The following CLSTN2 variants were observed in gnomAD, a reference collection of about 807,000 sequenced individuals.
The protein encoded by CLSTN2 is calsyntenin 2.
In CLSTN2, 48 loss-of-function variants were observed where a neutral mutation model predicts 101.2. That is an observed-to-expected ratio of 0.47 (90% CI 0.38 to 0.60). CLSTN2 has a LOEUF of 0.60. Among genes scored for constraint, CLSTN2 ranks in the 20% least tolerant of loss-of-function variants. The pLI is 0.00. For synonymous variants in CLSTN2, 481 were observed against 463.6 expected (o/e 1.04, Z -0.48); for missense variants, 1,160 against 1,238.2 (o/e 0.94, Z 0.95).
chr3:140,010,454 G>A lies in CLSTN2; in HGVS notation c.109+74971G>A, dbSNP rs2007049632. 3.3e-5 allele frequency among the ~76,000 whole-genome samples: 5 copies of A among 152,156 alleles called. No individual in the cohort carries two copies. The South Asian group carries it at 8.3e-4, about 25-fold the overall frequency. ...GCTGGCCTGCCTTGTTGTCTGGCAG[G>A]CGCTCCTCTCTGATCAGAGGAATGG... On this transcript the variant is annotated intron_variant, in intron 1 of 16. Coordinates refer to ENST00000458420, the MANE Select transcript of CLSTN2 (RefSeq NM_022131.3).
chr3:140,528,941 C>G (rs761683953), intron 8 of CLSTN2, among the ~76,000 whole-genome samples: 1 of 152,222 alleles, frequency 6.6e-6, no homozygotes, highest in Non-Finnish European at 1.5e-5. Flanking sequence ...TCTCTTGCAG[C>G]ACCTAGTAGA....
At position 140,330,442 on chromosome 3, in the gene CLSTN2, AT is replaced by A. The variant is rs555297922; in HGVS notation, c.233-73183del. ...TTTTAAAGGTATAATTTTGATATGC[AT>A]TTTATGTGTTTATTCAAAGGATCTC... On this transcript the variant is annotated intron_variant, in intron 2 of 16. Transcript: ENST00000458420. Among the ~76,000 whole-genome samples, 12 of 152,278 alleles carry A rather than the reference AT, an allele frequency of 7.9e-5. No homozygotes were observed. The East Asian group carries it at 2.3e-3, about 29-fold the overall frequency.
At chr3:140,277,269 T>A (rs1014651105) in intron 2 of CLSTN2, among the ~76,000 whole-genome samples, 2 of 152,210 alleles carry the variant, frequency 1.3e-5, no homozygotes, top group African/African-American at 4.8e-5. Flanking sequence ...GATGATGAGA[T>A]AAATTGCAGG....
In CLSTN2 at chr3:139,935,417, C is replaced by A. The variant is rs1026582954; in HGVS notation, c.43C>A (p.Leu15Met). The change falls in exon 1 of 17, where the codon CTG becomes ATG. Residue 15 changes from leucine (L) to methionine (M), a missense_variant. Physicochemically the swap from Leu to Met is conservative, Grantham distance 15. Transcript: ENST00000458420. This position sits in a 1 kb window ranked among gnomAD's most constrained non-coding sequence, Gnocchi z 5.5. The stretch of plus-strand genomic sequence containing the variant: ...GTGCTGGGTGCCGCTCCTGCTGGCG[C>A]TGGGCGTGGGGAGCGGCAGCGGCGG... ...RLCWVPLLLALGVGSGSGGGG... is the reference protein window; with the variant it reads ...RLCWVPLLLAMGVGSGSGGGG... The A allele has an allele frequency of 3.2e-6, 4 of 1,230,840 alleles. No individual in the cohort carries two copies. In the African/African-American group the frequency reaches 4.7e-5, roughly 14 times the overall value. 76.2% of individuals were successfully genotyped at this position (1,230,840 alleles called of 1,614,324 possible). A position where few individuals can be genotyped will look rare whatever the true frequency, so the allele number is the denominator to read the frequency against.
At chr3:140,114,574 G>A (rs2009209509) in intron 1 of CLSTN2, among the ~76,000 whole-genome samples, 1 of 152,120 alleles carries the variant, frequency 6.6e-6, no homozygotes. Flanking sequence ...AGCTCTTATT[G>A]TAAGATCCAG....
intron 9 of CLSTN2, among the ~76,000 whole-genome samples, chr3:140,541,476 A>G (rs2107784345): frequency 6.6e-6 from 1 of 152,298 alleles, no homozygotes; most frequent in Middle Eastern, 3.4e-3. Context: ...GAACTTTTCC[A>G]TGCATTGTGG....
At chr3:140,017,886 G>T (rs952433557) in intron 1 of CLSTN2, among the ~76,000 whole-genome samples, 5 of 152,212 alleles carry the variant, frequency 3.3e-5, no homozygotes, top group Admixed American at 6.5e-5. Flanking sequence ...CGGCTTTATT[G>T]TCTCATCCTG....
At chr3:140,209,986 A>G (rs962428194) in intron 2 of CLSTN2, among the ~76,000 whole-genome samples, 3 of 152,194 alleles carry the variant, frequency 2.0e-5, no homozygotes, top group African/African-American at 4.8e-5. Flanking sequence ...GGCTCCTGCC[A>G]TGTACTAAAT....
At chr3:140,447,834 G>A (rs1020249181) in intron 5 of CLSTN2, among the ~76,000 whole-genome samples, 6 of 152,180 alleles carry the variant, frequency 3.9e-5, no homozygotes, top group African/African-American at 1.4e-4. Flanking sequence ...GAAAACATTA[G>A]CACAATATTG....
intron 1 of CLSTN2, among the ~76,000 whole-genome samples, chr3:140,064,108 C>G (rs1019496386): frequency 6.6e-6 from 1 of 152,308 alleles, no homozygotes; most frequent in East Asian, 1.9e-4. Context: ...GGGGAGCTGC[C>G]TCTCAGTCTG....
chr3:140,258,156 C>A (rs1261994318), intron 2 of CLSTN2, among the ~76,000 whole-genome samples: 1 of 151,996 alleles, frequency 6.6e-6, no homozygotes, highest in Non-Finnish European at 1.5e-5. Flanking sequence ...ATCTTCATAG[C>A]TTTTTCAGCC....
intron 1 of CLSTN2, among the ~76,000 whole-genome samples, chr3:140,142,621 T>C (rs2009718642): frequency 6.6e-6 from 1 of 152,252 alleles, no homozygotes; most frequent in African/African-American, 2.4e-5. Context: ...TATTTTCACA[T>C]TTCTTTTCAT....
Position 140,397,520 on chromosome 3 carries a change from C to T in CLSTN2, c.233-6109C>T, listed in dbSNP as rs116315955. Among the ~76,000 whole-genome samples the T allele has an allele frequency of 6.1e-3, 936 of 152,262 alleles. 5 individuals are homozygous for T. The highest frequency in any genetic ancestry group is 0.022 in the African/African-American group (903 of 41,534). ...TCTTATAAAGAACAACAATTTATTT[C>T]TCACAGTTCTGGAGGCTGAGAAGTC... On this transcript the variant is annotated intron_variant, in intron 2 of 16. Coordinates refer to ENST00000458420, the MANE Select transcript of CLSTN2 (RefSeq NM_022131.3).
intron 2 of CLSTN2, among the ~76,000 whole-genome samples, chr3:140,366,248 C>A (rs888985520): frequency 2.0e-5 from 3 of 152,186 alleles, no homozygotes; most frequent in African/African-American, 7.2e-5. Flanking sequence ...GCTGGAGAAA[C>A]CTTGCTGTGT....
chr3:140,378,310 C>T (rs1276304814), intron 2 of CLSTN2, among the ~76,000 whole-genome samples: 1 of 152,192 alleles, frequency 6.6e-6, no homozygotes, highest in African/African-American at 2.4e-5. Context: ...AGTAGATGCT[C>T]AGTAAATATT....
intron 2 of CLSTN2, among the ~76,000 whole-genome samples, chr3:140,304,573 CA>C (rs1339557438): frequency 6.6e-6 from 1 of 152,208 alleles, no homozygotes; most frequent in Non-Finnish European, 1.5e-5. Context: ...AACTAACTCC[CA>C]AAGACCCCAC....
chr3:140,121,072 G>A (rs919870601), intron 1 of CLSTN2, among the ~76,000 whole-genome samples: 3 of 152,202 alleles, frequency 2.0e-5, no homozygotes, highest in Non-Finnish European at 1.5e-5. Context: ...ATTTTTGAAT[G>A]TGTGGACAGG....
At chr3:140,502,942 C>T (rs1056302854) in intron 8 of CLSTN2, among the ~76,000 whole-genome samples, 1 of 152,156 alleles carries the variant, frequency 6.6e-6, no homozygotes, top group African/African-American at 2.4e-5. Context: ...GTCTCCGGGG[C>T]TAAAATCAAT....
intron 1 of CLSTN2, among the ~76,000 whole-genome samples, chr3:139,987,556 T>G (rs79797278): frequency 0.029 from 4,447 of 152,280 alleles, 91 homozygotes; most frequent in Non-Finnish European, 0.047. Context: ...GCCATCGGCT[T>G]AGAGCTTATA....
Sources: allele counts gnomAD v4.1 joint callset (sites outside exome capture counted in the v4.1 genomes callset), GRCh38; gene constraint gnomAD v4.1.1; non-coding constraint Gnocchi (gnomAD v3.1); transcripts MANE v1.5; gene names NCBI Gene and HGNC (gene_info 2026-07-23, HGNC 2026-07-21).